ANKDD1A: variants seen among roughly 807,000 people sequenced by gnomAD.
The protein encoded by ANKDD1A is ankyrin repeat and death domain containing 1A.
Under a neutral mutation model 63.5 loss-of-function variants are expected in ANKDD1A, and 59 were observed. That is an observed-to-expected ratio of 0.93 (90% CI 0.75 to 1.15). The LOEUF is 1.15. Among genes scored for constraint, ANKDD1A ranks in the 50% most tolerant of loss-of-function variants. ANKDD1A has a pLI of 0.00. For missense variants in ANKDD1A, 632 were observed against 656.4 expected (o/e 0.96, Z 0.41); for synonymous variants, 266 against 263.9 (o/e 1.01, Z -0.08).
At chr15:64,926,029 T>C in intron 4 of ANKDD1A, 37 bp from the exon 5 acceptor site, 2 of 1,586,562 alleles carry the variant, frequency 1.3e-6, no homozygotes, top group Non-Finnish European at 1.7e-6. Context: ...GGGCCTCCCT[T>C]CACAGACTGC....
intron 12 of ANKDD1A, among the ~76,000 whole-genome samples, chr15:64,947,174 A>C (rs1448394487): frequency 1.3e-5 from 2 of 152,166 alleles, no homozygotes; most frequent in Non-Finnish European, 2.9e-5. Flanking sequence ...GAAGGTGAGC[A>C]GAGGAATTCC....
At chr15:64,953,568 T>TCTTCTC (rs2085347490) in intron 14 of ANKDD1A, among the ~76,000 whole-genome samples, 1 of 145,260 alleles carries the variant, frequency 6.9e-6, no homozygotes, top group Non-Finnish European at 1.5e-5. Context: ...TCTTCCTCCT[T>TCTTCTC]CTTCTTAGTT....
intron 13 of ANKDD1A, among the ~76,000 whole-genome samples, chr15:64,949,247 T>G (rs548647088): frequency 1.5e-4 from 23 of 152,226 alleles, no homozygotes; most frequent in South Asian, 4.1e-4. Flanking sequence ...GGTTGTATGT[T>G]GGAACCACCT....
Position 64,945,833 on chromosome 15 carries a change from T to C in ANKDD1A, c.1161+1086T>C, listed in dbSNP as rs143437252. 2.3e-3 allele frequency among the ~76,000 whole-genome samples: 349 copies of C among 151,006 alleles called. 2 individuals are homozygous for C. The highest frequency in any genetic ancestry group is 8.1e-3 in the African/African-American group (334 of 41,094). On this transcript the variant is annotated intron_variant, in intron 12 of 14. Transcript: ENST00000319580. ...ATTTTTAGTAGAGATGGGGTTTCACTATGTTGGCCAGGATGGTCTCAATCT... is the reference window on the plus strand; with the variant it reads ...ATTTTTAGTAGAGATGGGGTTTCACCATGTTGGCCAGGATGGTCTCAATCT...
At position 64,943,405 on chromosome 15, in the gene ANKDD1A, T is replaced by C. The variant is rs1172799834; in HGVS notation, c.967-79T>C. The C allele has an allele frequency of 6.1e-6, 7 of 1,156,384 alleles. No individual in the cohort carries two copies. The Admixed American group carries it at 1.2e-4, about 21-fold the overall frequency. 71.6% of individuals were successfully genotyped at this position (1,156,384 alleles called of 1,614,324 possible). A position where few individuals can be genotyped will look rare whatever the true frequency, so the allele number is the denominator to read the frequency against. The stretch of plus-strand genomic sequence containing the variant: ...AAAGACTAGAAGAAATATACTAGGA[T>C]CATTGTGCGGGCTGACTTAGGGTAG... On this transcript the variant is annotated intron_variant, in intron 10 of 14. Coordinates refer to ENST00000319580, the MANE Select transcript of ANKDD1A (RefSeq NM_182703.6).
chr15:64,958,059 A>G lies in ANKDD1A; in HGVS notation c.*871A>G, dbSNP rs146872524. 1 of 152,312 alleles carries G rather than the reference A, an allele frequency of 6.6e-6. No individual in the cohort carries two copies. The highest frequency in any genetic ancestry group is 2.4e-5 in the African/African-American group (1 of 41,552). The allele number at this position is 152,312 out of a possible 1,614,324, so 9.4% of individuals were successfully genotyped here. A position where few individuals can be genotyped will look rare whatever the true frequency, so the allele number is the denominator to read the frequency against. On this transcript the variant is annotated 3_prime_UTR_variant, in exon 15 of 15. Coordinates refer to ENST00000319580, the MANE Select transcript of ANKDD1A (RefSeq NM_182703.6). ...ACAGTTTTAACTTTTGAAATGTGTG[A>G]GAGTGTTACTTACTGAAAACTGAAA...
At chr15:64,930,686 C>T in intron 6 of ANKDD1A, 136 bp from the exon 7 acceptor site, 6 of 729,672 alleles carry the variant, frequency 8.2e-6, no homozygotes, top group Admixed American at 2.8e-5. Context: ...TTGAATCTGC[C>T]CCTGGTTATA....
chr15:64,948,145 C>T (rs980648153), intron 13 of ANKDD1A, among the ~76,000 whole-genome samples: 1 of 151,718 alleles, frequency 6.6e-6, no homozygotes, highest in Non-Finnish European at 1.5e-5. Flanking sequence ...GCTAAATGGG[C>T]AAAAAATATA....
chr15:64,951,040 C>G (rs1266369360), intron 14 of ANKDD1A: 2 of 1,247,410 alleles, frequency 1.6e-6, no homozygotes, highest in Non-Finnish European at 2.1e-6. Context: ...CCTTCAGGCA[C>G]GTGGGACCTC....
intron 8 of ANKDD1A, among the ~76,000 whole-genome samples, chr15:64,933,016 T>A (rs1419323452): frequency 6.6e-6 from 1 of 151,528 alleles, no homozygotes; most frequent in East Asian, 1.9e-4. Flanking sequence ...GGGCTGGAGC[T>A]GCTCATCACG....
intron 8 of ANKDD1A, chr15:64,932,240 A>C (rs893786138): frequency 2.6e-5 from 4 of 152,244 alleles, no homozygotes; most frequent in Admixed American, 2.0e-4. Flanking sequence ...TCGTTCACAA[A>C]GCCCCTTCAT....
intron 11 of ANKDD1A, among the ~76,000 whole-genome samples, chr15:64,944,353 C>G (rs938084859): frequency 2.6e-5 from 4 of 152,228 alleles, no homozygotes; most frequent in East Asian, 1.9e-4. Flanking sequence ...GTGGGAACCC[C>G]TATTTCACAG....
chr15:64,954,499 TCTTC>T (rs1338419909), intron 14 of ANKDD1A, among the ~76,000 whole-genome samples: 53 of 140,764 alleles, frequency 3.8e-4, no homozygotes, highest in African/African-American at 1.0e-3. Flanking sequence ...TTCTCCTTCT[TCTTC>T]CTTCTTCTCC....
At chr15:64,952,358 C>G (rs2085305678) in intron 14 of ANKDD1A, among the ~76,000 whole-genome samples, 1 of 121,696 alleles carries the variant, frequency 8.2e-6, no homozygotes, top group Non-Finnish European at 1.7e-5. Flanking sequence ...GTTCTTCCTC[C>G]TTCTTCTTTC....
At position 64,957,538 on chromosome 15, in the gene ANKDD1A, A is replaced by C. The variant is rs1402458020; in HGVS notation, c.*350A>C. 6.5e-6 allele frequency: 1 copy of C among 153,922 alleles called. No individual in the cohort carries two copies. Among genetic ancestry groups the C allele is most frequent in the East Asian group, 1.9e-4 (1 of 5,214 alleles). 9.5% of individuals were successfully genotyped at this position (153,922 alleles called of 1,614,324 possible). On this transcript the variant is annotated 3_prime_UTR_variant, in exon 15 of 15. Transcript: ENST00000319580. ...GAGTCTCATATTCATGCTTTTCTTC[A>C]CAGCACTATAAAGTTGGACTTGGAA...
chr15:64,953,500 TTCCTCC>T (rs1158818765), intron 14 of ANKDD1A, among the ~76,000 whole-genome samples: 1 of 96,282 alleles, frequency 1.0e-5, no homozygotes, highest in Non-Finnish European at 2.5e-5. Flanking sequence ...TCTTTAGTTC[TTCCTCC>T]TCTTCCTTCT....
Position 64,943,535 on chromosome 15 carries a change from G to A in ANKDD1A, c.1018G>A (p.Ala340Thr), listed in dbSNP as rs373800633. The change falls in exon 11 of 15, where the codon GCA (alanine) becomes ACA (threonine). Residue 340 changes from alanine (A) to threonine (T), a missense_variant. Ala to Thr is a moderately conservative substitution (Grantham distance 58). Coordinates refer to ENST00000319580, the MANE Select transcript of ANKDD1A (RefSeq NM_182703.6). Reference protein sequence around the residue: ...LAAEHAWQDIADMLLIAGVDL... With the variant: ...LAAEHAWQDITDMLLIAGVDL... ...TGCAGAGCACGCCTGGCAGGACATA[G>A]CAGATATGCTCCTCATTGCTGGGGT... The A allele has an allele frequency of 1.2e-6, 2 of 1,614,084 alleles. No homozygotes were observed. The highest frequency in any genetic ancestry group is 2.7e-5 in the African/African-American group (2 of 74,920).
At position 64,926,976 on chromosome 15, in the gene ANKDD1A, T is replaced by C; in HGVS notation, c.547T>C (p.Cys183Arg). The C allele has an allele frequency of 1.2e-6, 2 of 1,614,206 alleles. No individual in the cohort carries two copies. The highest frequency in any genetic ancestry group is 1.7e-6 in the Non-Finnish European group (2 of 1,180,038). ...TCTGGACTTCCTCGTGGGCTCTGGC[T>C]GTGACCACAATGTCAAAGACAAGGT... The part of the protein sequence containing the change: ...DALDFLVGSG[C>R]DHNVKDKEGN... The change falls in exon 6 of 15, where the codon TGT becomes CGT. Residue 183 changes from cysteine (C) to arginine (R), a missense_variant. Coordinates refer to ENST00000319580, the MANE Select transcript of ANKDD1A (RefSeq NM_182703.6).
intron 6 of ANKDD1A, among the ~76,000 whole-genome samples, chr15:64,930,320 A>G (rs2085079507): frequency 6.6e-6 from 1 of 151,780 alleles, no homozygotes; most frequent in Non-Finnish European, 1.5e-5. Flanking sequence ...AGAGTGTGTT[A>G]GCAGGTGATC....
Sources: allele counts gnomAD v4.1 joint callset (sites outside exome capture counted in the v4.1 genomes callset), GRCh38; gene constraint gnomAD v4.1.1; transcripts MANE v1.5; gene names NCBI Gene and HGNC (gene_info 2026-07-23, HGNC 2026-07-21).